The following MDGA2 variants were observed in gnomAD, a reference collection of about 807,000 sequenced individuals.
MDGA2 encodes MAM domain containing glycosylphosphatidylinositol anchor 2.
In MDGA2, 40 loss-of-function variants were observed where a neutral mutation model predicts 117.8. That is an observed-to-expected ratio of 0.34 (90% CI 0.26 to 0.44). The LOEUF (loss-of-function observed/expected upper bound fraction) is 0.44. Among genes scored for constraint, MDGA2 ranks in the 20% least tolerant of loss-of-function variants. The probability of loss-of-function intolerance (pLI) is 1.00; values close to 1 mark genes in which losing one functional copy is unlikely to be tolerated. For synonymous variants in MDGA2, 452 were observed against 439.0 expected (o/e 1.03, Z -0.37); for missense variants, 1,123 against 1,250.6 (o/e 0.90, Z 1.54).
intron 2 of MDGA2, among the ~76,000 whole-genome samples, chr14:47,264,259 T>C (rs1386516102): frequency 6.6e-6 from 1 of 152,140 alleles, no homozygotes; most frequent in Admixed American, 6.6e-5. Flanking sequence ...CTTTGGCAAA[T>C]GGAACATGTC....
At chr14:47,398,083 C>G (rs529111391) in intron 1 of MDGA2, among the ~76,000 whole-genome samples, 1 of 152,102 alleles carries the variant, frequency 6.6e-6, no homozygotes, top group Non-Finnish European at 1.5e-5. Flanking sequence ...AATGAAATGA[C>G]GCTACTGAGG....
chr14:46,904,009 C>T (rs1249790450), intron 10 of MDGA2, among the ~76,000 whole-genome samples: 1 of 152,068 alleles, frequency 6.6e-6, no homozygotes, highest in East Asian at 1.9e-4. Context: ...ATTACAATTG[C>T]TTTATAAACA....
intron 1 of MDGA2, among the ~76,000 whole-genome samples, chr14:47,306,986 A>G (rs999140079): frequency 1.1e-4 from 17 of 152,296 alleles, no homozygotes; most frequent in Non-Finnish European, 1.9e-4. Context: ...TTGCTTGTAA[A>G]GCAAACATAA....
intron 7 of MDGA2, among the ~76,000 whole-genome samples, chr14:47,055,911 A>G (rs929580544): frequency 2.0e-5 from 3 of 152,114 alleles, no homozygotes; most frequent in Non-Finnish European, 2.9e-5. Flanking sequence ...GATGTCCATC[A>G]TTAATTCAGA....
chr14:47,629,843 T>C (rs1372578295), intron 1 of MDGA2, among the ~76,000 whole-genome samples: 2 of 152,160 alleles, frequency 1.3e-5, no homozygotes, highest in Non-Finnish European at 2.9e-5. Flanking sequence ...CTTGGGCTTC[T>C]CAAACATTAC....
At chr14:47,455,954 G>A (rs1037172036) in intron 1 of MDGA2, among the ~76,000 whole-genome samples, 7 of 151,940 alleles carry the variant, frequency 4.6e-5, no homozygotes, top group African/African-American at 1.5e-4. Context: ...CCAAGATCAT[G>A]TCACTGCACT....
At chr14:47,145,669 T>C (rs138165903) in intron 3 of MDGA2, among the ~76,000 whole-genome samples, 1,601 of 152,236 alleles carry the variant, frequency 0.011, 30 homozygotes, top group African/African-American at 0.037. Context: ...TGTCAGCAGA[T>C]CGGAATGATA....
chr14:46,859,872 A>G (rs1881438914), intron 14 of MDGA2, among the ~76,000 whole-genome samples: 2 of 152,130 alleles, frequency 1.3e-5, no homozygotes, highest in African/African-American at 2.4e-5. Context: ...TTATATGAAT[A>G]TGCTACATAA....
chr14:47,160,519 C>G (rs1883590058), intron 3 of MDGA2, among the ~76,000 whole-genome samples: 1 of 152,070 alleles, frequency 6.6e-6, no homozygotes, highest in South Asian at 2.1e-4. Context: ...TAAAAATTAG[C>G]TGGGCATGGT....
intron 9 of MDGA2, among the ~76,000 whole-genome samples, chr14:46,930,916 T>C (rs1595051985): frequency 6.6e-6 from 1 of 152,028 alleles, no homozygotes; most frequent in African/African-American, 2.4e-5. Context: ...AAAACTCTTT[T>C]TAAAAATCTC....
At chr14:47,040,666 C>A (rs1007499947) in intron 7 of MDGA2, among the ~76,000 whole-genome samples, 29 of 152,058 alleles carry the variant, frequency 1.9e-4, no homozygotes, top group African/African-American at 7.0e-4. Flanking sequence ...CTTCTAGCAC[C>A]CTCTGTCTGC....
At chr14:47,109,796 A>C (rs1880934795) in intron 5 of MDGA2, among the ~76,000 whole-genome samples, 1 of 152,150 alleles carries the variant, frequency 6.6e-6, no homozygotes. Flanking sequence ...AAATACAAAA[A>C]TTAGCCAGGT....
chr14:47,669,167 C>T (rs1898030150), intron 1 of MDGA2, among the ~76,000 whole-genome samples: 1 of 152,024 alleles, frequency 6.6e-6, no homozygotes, highest in Non-Finnish European at 1.5e-5. Flanking sequence ...TTATTTGTAC[C>T]CTGCTTCTCA....
intron 5 of MDGA2, among the ~76,000 whole-genome samples, chr14:47,107,653 C>A (rs965459750): frequency 1.3e-5 from 2 of 151,156 alleles, no homozygotes; most frequent in East Asian, 3.9e-4. Context: ...GCTCTCCCTG[C>A]CGATCGTGTC....
intron 5 of MDGA2, among the ~76,000 whole-genome samples, chr14:47,123,157 A>G (rs991502902): frequency 8.6e-5 from 13 of 151,946 alleles, no homozygotes; most frequent in Admixed American, 7.9e-4. Flanking sequence ...CTGGATTATG[A>G]TATCTTCTGG....
At chr14:47,295,387 TCAGTATTC>T (rs1475567063) in intron 2 of MDGA2, among the ~76,000 whole-genome samples, 1 of 152,200 alleles carries the variant, frequency 6.6e-6, no homozygotes, top group Non-Finnish European at 1.5e-5. Context: ...GTTCAAATGT[TCAGTATTC>T]CTACTGAGAA....
intron 1 of MDGA2, among the ~76,000 whole-genome samples, chr14:47,655,028 G>C (rs1897717793): frequency 6.6e-6 from 1 of 152,088 alleles, no homozygotes; most frequent in Non-Finnish European, 1.5e-5. Context: ...CAAAATGTAA[G>C]ATATCAGTAC....
chr14:47,173,363 T>C (rs1418696998), intron 3 of MDGA2, among the ~76,000 whole-genome samples: 2 of 151,972 alleles, frequency 1.3e-5, no homozygotes, highest in African/African-American at 2.4e-5. Flanking sequence ...TCACCAAAGT[T>C]GAAATGAAGG....
At position 47,665,890 on chromosome 14, in the gene MDGA2, GC is replaced by G. The variant is rs558000179; in HGVS notation, c.280+8626del. ...TGCCTCAGCCTCCCTGAGGAGCGCGGCCCCCTGCTCCATGGTGCCCAGTCCC... is the reference window on the plus strand; with the variant it reads ...TGCCTCAGCCTCCCTGAGGAGCGCGGCCCCTGCTCCATGGTGCCCAGTCCC... On this transcript the variant is annotated intron_variant, in intron 1 of 16. Transcript: ENST00000399232. 1.8e-3 allele frequency among the ~76,000 whole-genome samples: 258 copies of G among 144,834 alleles called. 1 individual carries two copies. The highest frequency in any genetic ancestry group is 6.3e-3 in the African/African-American group (247 of 38,932).
Sources: allele counts gnomAD v4.1 joint callset (sites outside exome capture counted in the v4.1 genomes callset), GRCh38; gene constraint gnomAD v4.1.1; transcripts MANE v1.5; gene names NCBI Gene and HGNC (gene_info 2026-07-23, HGNC 2026-07-21).